The following GPHN variants were observed in gnomAD, a reference collection of about 807,000 sequenced individuals.
GPHN encodes the protein gephyrin.
In GPHN, 17 loss-of-function variants were observed where a neutral mutation model predicts 95.5. That is an observed-to-expected ratio of 0.18 (90% CI 0.12 to 0.27). The LOEUF (loss-of-function observed/expected upper bound fraction) is 0.27. Ranked by LOEUF, GPHN falls within the 10% of genes least tolerant of loss-of-function variation. The probability of loss-of-function intolerance (pLI) is 1.00; values close to 1 mark genes in which losing one functional copy is unlikely to be tolerated. For synonymous variants in GPHN, 320 were observed against 322.5 expected, an observed-to-expected ratio of 0.99 and a Z score of 0.08; for missense variants, 660 against 978.1, an observed-to-expected ratio of 0.67 and a Z score of 4.34.
chr14:67,178,312 A>G (rs934979115), intron 21 of GPHN, among the ~76,000 whole-genome samples: 4 of 152,166 alleles, frequency 2.6e-5, no homozygotes, highest in African/African-American at 9.7e-5. Context: ...TTTCTCCTTC[A>G]TTTATGAAGC....
chr14:67,412,272 A>G, the GPHN span: 1 of 452,206 alleles, frequency 2.2e-6, no homozygotes. Context: ...GTTTCCACCC[A>G]AAGGTGCTCC....
At chr14:66,549,051 G>A (rs892375360) in intron 1 of GPHN, among the ~76,000 whole-genome samples, 1 of 151,958 alleles carries the variant, frequency 6.6e-6, no homozygotes, top group Non-Finnish European at 1.5e-5. Context: ...TAAGGATAAT[G>A]TATCTAAATA....
the GPHN span, among the ~76,000 whole-genome samples, chr14:67,439,864 G>A: frequency 1.7e-4 from 26 of 151,792 alleles, 2 homozygotes; most frequent in Middle Eastern, 6.8e-3. Context: ...TTGAAACAGC[G>A]TCTCACTCTG....
chr14:67,280,582 T>C, the GPHN span, among the ~76,000 whole-genome samples: 1 of 152,154 alleles, frequency 6.6e-6, no homozygotes, highest in African/African-American at 2.4e-5. Flanking sequence ...AAGACACCAA[T>C]GGTAGAGCCA....
chr14:67,691,288 C>T, the GPHN span: 23 of 1,376,926 alleles, frequency 1.7e-5, no homozygotes, highest in Non-Finnish European at 2.4e-5. Flanking sequence ...CTAGCCAAGG[C>T]TATTACATCT....
intron 1 of GPHN, among the ~76,000 whole-genome samples, chr14:66,600,768 A>AT (rs1555357836): frequency 6.6e-6 from 1 of 152,092 alleles, no homozygotes; most frequent in Non-Finnish European, 1.5e-5. Context: ...GTTGCACTTA[A>AT]TAGACTGTGA....
rs111792754 is a variant in GPHN, at chr14:66,523,029, A to G, written c.64+14438A>G. Reference sequence around the variant, plus strand: ...AAATCCCCTTCAGCTCTAAAATTTTATTAATCCTAAATCTGAGGAACATGC... The same window carrying G: ...AAATCCCCTTCAGCTCTAAAATTTTGTTAATCCTAAATCTGAGGAACATGC... On this transcript the variant is annotated intron_variant, in intron 1 of 22. Coordinates refer to ENST00000478722, the MANE Select transcript of GPHN (RefSeq NM_020806.5). 9.6e-3 allele frequency among the ~76,000 whole-genome samples: 1,459 copies of G among 152,228 alleles called. 20 individuals carry two copies. The highest frequency in any genetic ancestry group is 0.032 in the African/African-American group (1,350 of 41,570).
intron 2 of GPHN, among the ~76,000 whole-genome samples, chr14:66,684,356 A>T (rs2067197695): frequency 6.6e-6 from 1 of 152,224 alleles, no homozygotes; most frequent in South Asian, 2.1e-4. Context: ...AAATGAGCAG[A>T]TACAGAATTT....
chr14:66,729,081 G>C (rs761993888), intron 2 of GPHN, among the ~76,000 whole-genome samples: 1 of 152,102 alleles, frequency 6.6e-6, no homozygotes, highest in South Asian at 2.1e-4. Context: ...CCCTGCACAG[G>C]CTCTCTCTTG....
the GPHN span, among the ~76,000 whole-genome samples, chr14:67,694,489 C>CATAT: frequency 2.3e-3 from 333 of 144,212 alleles, 3 homozygotes; most frequent in African/African-American, 7.6e-3. Context: ...CACACACACA[C>CATAT]ATATATATAT....
At chr14:66,725,960 G>A (rs1465474902) in intron 2 of GPHN, among the ~76,000 whole-genome samples, 1 of 152,082 alleles carries the variant, frequency 6.6e-6, no homozygotes, top group Non-Finnish European at 1.5e-5. Flanking sequence ...TGATAAATCT[G>A]GTCCTTAGCA....
chr14:66,613,142 G>A (rs946243027), intron 1 of GPHN, among the ~76,000 whole-genome samples: 5 of 152,000 alleles, frequency 3.3e-5, no homozygotes, highest in African/African-American at 1.2e-4. Flanking sequence ...TTAGGTTCTT[G>A]TGATCCTCTG....
chr14:66,636,875 G>C (rs2064129365), intron 1 of GPHN, among the ~76,000 whole-genome samples: 1 of 152,094 alleles, frequency 6.6e-6, no homozygotes, highest in Admixed American at 6.5e-5. Context: ...AAATAATCTG[G>C]ATAATCTATT....
the GPHN span, among the ~76,000 whole-genome samples, chr14:67,493,501 G>C: frequency 6.6e-6 from 1 of 152,178 alleles, no homozygotes; most frequent in East Asian, 1.9e-4. Context: ...ACTGACACAG[G>C]CCGCACCCTT....
intron 2 of GPHN, among the ~76,000 whole-genome samples, chr14:66,728,655 C>T (rs573293204): frequency 8.5e-5 from 13 of 152,294 alleles, no homozygotes; most frequent in Admixed American, 5.9e-4. Flanking sequence ...GCCAATTTCT[C>T]CCATTTGTAA....
At chr14:67,034,134 A>G (rs955500304) in intron 10 of GPHN, among the ~76,000 whole-genome samples, 3 of 152,184 alleles carry the variant, frequency 2.0e-5, no homozygotes, top group African/African-American at 7.2e-5. Flanking sequence ...GAAAAACACA[A>G]AGCTCACTGG....
At chr14:67,367,701 G>A in the GPHN span, among the ~76,000 whole-genome samples, 219 of 152,232 alleles carry the variant, frequency 1.4e-3, no homozygotes, top group African/African-American at 5.0e-3. Flanking sequence ...GCTGGGCGTG[G>A]TGGTGCACCC....
chr14:67,059,420 C>T lies in GPHN; in HGVS notation c.1144+634C>T, dbSNP rs111928199. 7.9e-3 allele frequency among the ~76,000 whole-genome samples: 1,207 copies of T among 152,050 alleles called. 7 individuals carry two copies. Among genetic ancestry groups the T allele is most frequent in the Non-Finnish European group, 0.014 (918 of 67,974 alleles). ...TAAAGCTTGTGGTTTCTCCCCAACACCAAAAAGAGAAGTTGTATTTAGTGC... is the reference window on the plus strand; with the variant it reads ...TAAAGCTTGTGGTTTCTCCCCAACATCAAAAAGAGAAGTTGTATTTAGTGC... On this transcript the variant is annotated intron_variant, in intron 11 of 22. Coordinates refer to ENST00000478722, the MANE Select transcript of GPHN (RefSeq NM_020806.5).
At chr14:66,577,510 A>G (rs2060956179) in intron 1 of GPHN, among the ~76,000 whole-genome samples, 1 of 152,144 alleles carries the variant, frequency 6.6e-6, no homozygotes, top group African/African-American at 2.4e-5. Context: ...GCTATGTTAC[A>G]ATTATTCCTT....
Sources: allele counts gnomAD v4.1 joint callset (sites outside exome capture counted in the v4.1 genomes callset), GRCh38; gene constraint gnomAD v4.1.1; transcripts MANE v1.5; gene names NCBI Gene and HGNC (gene_info 2026-07-23, HGNC 2026-07-21).